Variants in ADAM32 observed in about 807,000 individuals in gnomAD.
ADAM32 encodes ADAM metallopeptidase domain 32, also known as disintegrin and metalloproteinase domain-containing protein 32.
Under a neutral mutation model 114.9 loss-of-function variants are expected in ADAM32, and 89 were observed. The ratio of observed to expected loss-of-function variants is 0.77; its 90% CI spans 0.65 to 0.92. The LOEUF is 0.92. Among genes scored for constraint, ADAM32 ranks in the 40% least tolerant of loss-of-function variants. The pLI, the probability that ADAM32 is intolerant of heterozygous loss-of-function variation, is 0.00. For missense variants in ADAM32, 870 were observed against 932.8 expected (o/e 0.93, Z 0.88); for synonymous variants, 285 against 307.5 (o/e 0.93, Z 0.77).
intron 9 of ADAM32, chr8:39,168,310 G>A (rs1303137182): frequency 6.6e-6 from 1 of 152,188 alleles, no homozygotes; most frequent in Non-Finnish European, 1.5e-5. Flanking sequence ...GGTGGTTGTG[G>A]TCAGCTGCTT....
Position 39,117,994 on chromosome 8 carries a change from C to A in ADAM32, c.59-92C>A, listed in dbSNP as rs535423853. 2.6e-5 allele frequency: 21 copies of A among 822,640 alleles called. No homozygotes were observed. The African/African-American group carries it at 3.1e-4, about 12-fold the overall frequency. The allele number at this position is 822,640 out of a possible 1,614,324, so 51.0% of individuals were successfully genotyped here. ...AGTACACAGTGATGAGCCACCCATA[C>A]CTGCACAAGTAAACTTTATGAAAGA... On this transcript the variant is annotated intron_variant, in intron 1 of 24. Transcript: ENST00000379907.
intron 2 of ADAM32, among the ~76,000 whole-genome samples, chr8:39,127,917 G>T (rs777486110): frequency 1.3e-4 from 20 of 152,124 alleles, no homozygotes; most frequent in Admixed American, 5.9e-4. Context: ...CTTGATTTCT[G>T]CTTTGATTTG....
chr8:39,267,928 G>A (rs887399276), intron 19 of ADAM32, among the ~76,000 whole-genome samples: 3 of 152,218 alleles, frequency 2.0e-5, no homozygotes, highest in Non-Finnish European at 4.4e-5. Context: ...AGACTGGCAG[G>A]AAGGTTGTTT....
chr8:39,163,461 G>T (rs895495408), intron 7 of ADAM32, among the ~76,000 whole-genome samples: 1 of 8,942 alleles, frequency 1.1e-4, no homozygotes. Context: ...GGGAAAATTG[G>T]GGAAGGAGGA....
At position 39,263,618 on chromosome 8, in the gene ADAM32, G is replaced by T. The variant is rs752598260; in HGVS notation, c.2162+6275G>T. Among the ~76,000 whole-genome samples the T allele has an allele frequency of 2.0e-5, 3 of 151,984 alleles. No homozygotes were observed. The East Asian group carries it at 5.8e-4, about 29-fold the overall frequency. On this transcript the variant is annotated intron_variant, in intron 19 of 24. Coordinates refer to ENST00000379907, the MANE Select transcript of ADAM32 (RefSeq NM_145004.7). ...TGAAATTCATTATTTTTTAGTGTGTGCAGTGTTATGAGTTTAGCAAATATA... is the reference window on the plus strand; with the variant it reads ...TGAAATTCATTATTTTTTAGTGTGTTCAGTGTTATGAGTTTAGCAAATATA...
chr8:39,189,802 T>C (rs73606730), intron 11 of ADAM32, among the ~76,000 whole-genome samples: 408 of 152,216 alleles, frequency 2.7e-3, no homozygotes, highest in African/African-American at 9.3e-3. Flanking sequence ...TTCTACTCTA[T>C]ATCTTTTTTT....
chr8:39,153,408 A>T (rs530918074), intron 6 of ADAM32, among the ~76,000 whole-genome samples: 11 of 152,322 alleles, frequency 7.2e-5, no homozygotes, highest in South Asian at 2.1e-4. Context: ...GGAGGGTGGG[A>T]CACCATGTCT....
intron 11 of ADAM32, among the ~76,000 whole-genome samples, chr8:39,195,767 T>C (rs1252791233): frequency 6.6e-6 from 1 of 152,206 alleles, no homozygotes; most frequent in Non-Finnish European, 1.5e-5. Flanking sequence ...TGTTTGTCTG[T>C]TTTTATACCA....
chr8:39,203,804 G>A (rs1441217303), intron 11 of ADAM32, among the ~76,000 whole-genome samples: 1 of 152,118 alleles, frequency 6.6e-6, no homozygotes, highest in Non-Finnish European at 1.5e-5. Context: ...GCTTCCTTTA[G>A]GAGCTCTTAT....
chr8:39,118,197 T>C (rs1462607404), intron 2 of ADAM32, 32 bp downstream of exon 2: 5 of 1,255,654 alleles, frequency 4.0e-6, no homozygotes, highest in Admixed American at 3.6e-5. Context: ...TCTAAATGTT[T>C]ATATGAAATT....
At chr8:39,283,997 C>CAGGA (rs1301963459) in intron 24 of ADAM32, among the ~76,000 whole-genome samples, 1 of 152,164 alleles carries the variant, frequency 6.6e-6, no homozygotes, top group East Asian at 1.9e-4. Context: ...TGGTCTTGAA[C>CAGGA]TCCTAACCTC....
At position 39,160,891 on chromosome 8, in the gene ADAM32, T is replaced by G. The variant is rs1804467161; in HGVS notation, c.526-6T>G. On this transcript the variant is annotated splice_region_variant and splice_polypyrimidine_tract_variant and intron_variant, in intron 6 of 24. Transcript: ENST00000379907. The stretch of plus-strand genomic sequence containing the variant: ...ATGTATTATATGCTGTTTTCCTTTT[T>G]TCTAGTCAGAACCAGCTGTTCCAGA... 1.9e-6 allele frequency: 3 copies of G among 1,580,828 alleles called. 1 individual carries two copies. Among genetic ancestry groups the G allele is most frequent in the African/African-American group, 1.3e-5 (1 of 74,118 alleles).
chr8:39,144,255 T>C (rs891833007), intron 3 of ADAM32, among the ~76,000 whole-genome samples: 4 of 152,330 alleles, frequency 2.6e-5, no homozygotes, highest in East Asian at 1.9e-4. Flanking sequence ...CCCAGTGAGA[T>C]GAACCAGGTA....
intron 16 of ADAM32, among the ~76,000 whole-genome samples, chr8:39,239,873 A>T (rs1024178329): frequency 2.0e-5 from 3 of 152,204 alleles, no homozygotes; most frequent in African/African-American, 7.2e-5. Flanking sequence ...CAATAGGAAA[A>T]AAATCACAAT....
At chr8:39,216,354 C>G (rs1207332284) in intron 12 of ADAM32, among the ~76,000 whole-genome samples, 1 of 151,946 alleles carries the variant, frequency 6.6e-6, no homozygotes, top group Non-Finnish European at 1.5e-5. Flanking sequence ...AAAATTCGTT[C>G]AGCCACTCTT....
At chr8:39,198,828 C>G (rs1807191666) in intron 11 of ADAM32, among the ~76,000 whole-genome samples, 1 of 151,466 alleles carries the variant, frequency 6.6e-6, no homozygotes, top group African/African-American at 2.4e-5. Context: ...TATGTGTTTT[C>G]AGGATGGTAG....
intron 10 of ADAM32, among the ~76,000 whole-genome samples, chr8:39,176,809 G>T (rs1246734727): frequency 1.3e-5 from 2 of 152,132 alleles, no homozygotes; most frequent in Admixed American, 1.3e-4. Context: ...CACTATTATT[G>T]TGTGGGAGTC....
At chr8:39,109,726 A>G (rs1303726664) in intron 1 of ADAM32, among the ~76,000 whole-genome samples, 2 of 152,278 alleles carry the variant, frequency 1.3e-5, no homozygotes, top group East Asian at 3.9e-4. Context: ...GCCTACACTG[A>G]CACATTGTTA....
At chr8:39,151,345 A>G in intron 5 of ADAM32, 32 bp from the exon 6 acceptor site, 1 of 1,508,064 alleles carries the variant, frequency 6.6e-7, no homozygotes, top group African/African-American at 1.4e-5. Flanking sequence ...ATTTGATTAA[A>G]AGCACTTAAA....
Sources: gnomAD v4.1 joint callset for allele counts (sites outside exome capture counted in the v4.1 genomes callset) on GRCh38, gnomAD v4.1.1 for gene constraint, MANE v1.5 for transcripts, NCBI Gene and HGNC (gene_info 2026-07-23, HGNC 2026-07-21) for gene names.